DNAH2: variants seen among roughly 807,000 people sequenced by gnomAD.
DNAH2 encodes the protein dynein axonemal heavy chain 2, also known as axonemal beta dynein heavy chain 2.
Under a neutral mutation model 523.5 loss-of-function variants are expected in DNAH2, and 323 were observed. The ratio of observed to expected loss-of-function variants is 0.62; its 90% CI spans 0.56 to 0.68. The LOEUF is 0.68. Among genes scored for constraint, DNAH2 ranks in the 30% least tolerant of loss-of-function variants. DNAH2 has a pLI of 0.00. For synonymous variants in DNAH2, 2,093 were observed against 2,177.4 expected (o/e 0.96, Z 1.08); for missense variants, 4,907 against 5,701.5 (o/e 0.86, Z 4.49).
In DNAH2 at chr17:7,778,455, T is replaced by G. The variant is rs766288689; in HGVS notation, c.5527T>G (p.Ser1843Ala). ...LDYKSMGRMY[S>A]GLAQTGAWGC... ...CTACAAGTCCATGGGCCGAATGTAC[T>G]CAGGTCTGGCCCAGGTCAGTATCCT... Residue 1843 changes from serine to alanine, a missense_variant, in exon 35 of 86, where the codon TCA becomes GCA. Ser to Ala is a moderately conservative substitution (Grantham distance 99). Around this residue, in one of 3 missense-constraint regions of DNAH2, gnomAD observed 2,806 missense variants for 3,190.8 expected, o/e 0.88. Transcript: ENST00000572933. 3 of 1,613,848 alleles carry G rather than the reference T, an allele frequency of 1.9e-6. No individual in the cohort carries two copies. The African/African-American group carries it at 4.0e-5, about 22-fold the overall frequency.
At chr17:7,766,173 T>C (rs2076160829) in intron 21 of DNAH2, 145 bp from the exon 22 acceptor site, 2 of 798,232 alleles carry the variant, frequency 2.5e-6, no homozygotes, top group African/African-American at 3.5e-5. Flanking sequence ...CCGTTATTCT[T>C]TCAACGCGTT....
intron 73 of DNAH2, among the ~76,000 whole-genome samples, chr17:7,823,149 C>T (rs1400386540): frequency 6.6e-6 from 1 of 151,898 alleles, no homozygotes; most frequent in Non-Finnish European, 1.5e-5. Context: ...CAATAATTAG[C>T]CAGGTGTGGT....
At position 7,786,890 on chromosome 17, in the gene DNAH2, T is replaced by G; in HGVS notation, c.6467-7T>G. 1 of 1,614,240 alleles carries G rather than the reference T, an allele frequency of 6.2e-7. No individual in the cohort carries two copies. Among genetic ancestry groups the G allele is most frequent in the South Asian group, 1.1e-5 (1 of 91,088 alleles). The stretch of plus-strand genomic sequence containing the variant: ...CCCGGTTTCCTCATCACCCACCATC[T>G]ACTCAGATGAGAAACCCGACGAGAA... On this transcript the variant is annotated splice_region_variant and splice_polypyrimidine_tract_variant and intron_variant, in intron 41 of 85. Coordinates refer to ENST00000572933, the MANE Select transcript of DNAH2 (RefSeq NM_020877.5). This position sits in a 1 kb window ranked among gnomAD's most constrained non-coding sequence, Gnocchi z 7.5.
rs1405859809 is a variant in DNAH2, at chr17:7,832,613, C to T, written c.12761C>T (p.Thr4254Ile). Residue 4254 changes from threonine to isoleucine, a missense_variant, in exon 83 of 86, where the codon ACC becomes ATC. Thr to Ile is a moderately conservative substitution (Grantham distance 89). Coordinates refer to ENST00000572933, the MANE Select transcript of DNAH2 (RefSeq NM_020877.5). The surrounding 1 kb of genome is among the most constrained non-coding windows in gnomAD (Gnocchi z 4.3). Reference protein sequence around the residue: ...YPSQKPLAAWTRDLAMRVEQF... With the variant: ...YPSQKPLAAWIRDLAMRVEQF... ...TCACAAAAGCCATTGGCTGCCTGGA[C>T]CCGGGACTTGGCCATGCGTGTGGAG... The T allele has an allele frequency of 1.2e-6, 2 of 1,614,180 alleles. No individual in the cohort carries two copies. Among genetic ancestry groups the T allele is most frequent in the Non-Finnish European group, 8.5e-7 (1 of 1,180,038 alleles).
In DNAH2 at chr17:7,831,512, G is replaced by T. The variant is rs754574243; in HGVS notation, c.12582G>T (p.Gln4194His). The T allele has an allele frequency of 1.9e-6, 3 of 1,614,228 alleles. No homozygotes were observed. Among genetic ancestry groups the T allele is most frequent in the Non-Finnish European group, 2.5e-6 (3 of 1,180,050 alleles). The change falls in exon 81 of 86, where the codon CAG becomes CAT. Residue 4194 changes from glutamine to histidine, a missense_variant. By Grantham distance (24) the Gln-to-His change is conservative. Around this residue, in one of 3 missense-constraint regions of DNAH2, gnomAD observed 1,851 missense variants for 2,139.4 expected, o/e 0.87. Transcript: ENST00000572933. This position sits in a 1 kb window ranked among gnomAD's most constrained non-coding sequence, Gnocchi z 4.2. Reference protein sequence around the residue: ...PLNVVLLQEIQRYNTLMQTIL... With the variant: ...PLNVVLLQEIHRYNTLMQTIL... ...ATGTGGTCCTTCTGCAGGAGATCCAGAGATACAACACACTGATGCAGACCA... is the reference window on the plus strand; with the variant it reads ...ATGTGGTCCTTCTGCAGGAGATCCATAGATACAACACACTGATGCAGACCA...
At chr17:7,723,355 C>G (rs2074691647) in intron 2 of DNAH2, among the ~76,000 whole-genome samples, 1 of 145,134 alleles carries the variant, frequency 6.9e-6, no homozygotes, top group Admixed American at 7.3e-5. Context: ...TCACTGCAAC[C>G]TCTGCCTCCT....
chr17:7,761,212 G>A (rs561285998), intron 18 of DNAH2, among the ~76,000 whole-genome samples: 1 of 152,308 alleles, frequency 6.6e-6, no homozygotes, highest in East Asian at 1.9e-4. Context: ...GATGAAAGAA[G>A]TGAGCCCTTT....
In DNAH2 at chr17:7,759,036, C is replaced by G. The variant is rs755007230; in HGVS notation, c.2360C>G (p.Ala787Gly). The part of the protein sequence containing the change: ...FEEDQREHRA[A>G]VQQKLMNLHQ... ...GAGGACCAAAGAGAGCATCGGGCAG[C>G]TGTACAGCAGAAATTGATGAACCTG... Residue 787 changes from alanine to glycine, a missense_variant, in exon 15 of 86, where the codon GCT (alanine) becomes GGT (glycine). Ala to Gly is a moderately conservative substitution (Grantham distance 60). Around this residue, in one of 3 missense-constraint regions of DNAH2, gnomAD observed 2,806 missense variants for 3,190.8 expected, o/e 0.88. Transcript: ENST00000572933. 1.2e-6 allele frequency: 2 copies of G among 1,614,196 alleles called. No homozygotes were observed. Among genetic ancestry groups the G allele is most frequent in the Non-Finnish European group, 8.5e-7 (1 of 1,180,048 alleles).
intron 12 of DNAH2, among the ~76,000 whole-genome samples, chr17:7,749,306 CCCAAAAA>C (rs2075606836): frequency 4.9e-3 from 17 of 3,494 alleles, no homozygotes; most frequent in South Asian, 0.013. Flanking sequence ...TAAACTCCCC[CCCAAAAA>C]AAAAAAAAAA....
At chr17:7,804,524 C>A in intron 59 of DNAH2, 58 bp downstream of exon 59, 1 of 1,574,042 alleles carries the variant, frequency 6.4e-7, no homozygotes, top group Non-Finnish European at 8.7e-7. Context: ...GCTACTGCGT[C>A]AGGGAACCCA....
In DNAH2 at chr17:7,733,315, G is replaced by A; in HGVS notation, c.628G>A (p.Asp210Asn). Reference sequence around the variant, plus strand: ...GCACAAGTTCTTGGCCTGCCTGACAGGTAAGTGGGAAGACCGGAGTGACTA... The same window carrying A: ...GCACAAGTTCTTGGCCTGCCTGACAAGTAAGTGGGAAGACCGGAGTGACTA... ...HLHKFLACLT[D>N]TRYKLEGHTV... The change falls in exon 5 of 86, where the codon GAC becomes AAC. Residue 210 changes from aspartate (D) to asparagine (N), a missense_variant and splice_region_variant. Physicochemically the swap from Asp to Asn is conservative, Grantham distance 23. Around this residue, in one of 3 missense-constraint regions of DNAH2, gnomAD observed 2,806 missense variants for 3,190.8 expected, o/e 0.88. Coordinates refer to ENST00000572933, the MANE Select transcript of DNAH2 (RefSeq NM_020877.5). 6.2e-7 allele frequency: 1 copy of A among 1,613,836 alleles called. No homozygotes were observed. The highest frequency in any genetic ancestry group is 8.5e-7 in the Non-Finnish European group (1 of 1,179,984).
In DNAH2 at chr17:7,786,320, A is replaced by G; in HGVS notation, c.6326A>G (p.Asp2109Gly). 1 of 1,612,958 alleles carries G rather than the reference A, an allele frequency of 6.2e-7. No homozygotes were observed. The highest frequency in any genetic ancestry group is 8.5e-7 in the Non-Finnish European group (1 of 1,179,958). ...ASLSSLCRAG[D>G]PNFNIVREFP... ...CTGTCCTCTCTGTGCCGCGCCGGAG[A>G]CCCTAACTTCAACATTGTTAGAGTA... The change falls in exon 40 of 86, where the codon GAC becomes GGC. Residue 2109 changes from aspartate (D) to glycine (G), a missense_variant. Physicochemically the swap from Asp to Gly is moderately conservative, Grantham distance 94. Transcript: ENST00000572933. The surrounding 1 kb of genome is among the most constrained non-coding windows in gnomAD (Gnocchi z 7.5).
At chr17:7,822,455 G>A (rs894094475) in intron 73 of DNAH2, among the ~76,000 whole-genome samples, 13 of 152,046 alleles carry the variant, frequency 8.6e-5, no homozygotes, top group African/African-American at 2.2e-4. Context: ...ACTCCCCGGC[G>A]TGTGCACCTG....
chr17:7,799,028 C>T, intron 55 of DNAH2, 75 bp from the exon 56 acceptor site: 1 of 1,567,226 alleles, frequency 6.4e-7, no homozygotes, highest in Non-Finnish European at 8.7e-7. Context: ...CTTCGTCAGC[C>T]CCACCTGACC....
chr17:7,763,412 C>T (rs189190646), intron 18 of DNAH2, among the ~76,000 whole-genome samples: 90 of 152,300 alleles, frequency 5.9e-4, no homozygotes, highest in Non-Finnish European at 8.4e-4. Context: ...TCCCAAAGTG[C>T]TAGGATTACA....
At chr17:7,779,205 A>G in intron 35 of DNAH2, 38 bp from the exon 36 acceptor site, 1 of 1,602,502 alleles carries the variant, frequency 6.2e-7, no homozygotes, top group Admixed American at 1.7e-5. Context: ...CTCTTGGGGC[A>G]CCTCTCGCTC....
chr17:7,730,196 C>A, intron 4 of DNAH2, among the ~76,000 whole-genome samples: 1 of 149,610 alleles, frequency 6.7e-6, no homozygotes, highest in South Asian at 2.1e-4. Flanking sequence ...AGGGAGACTG[C>A]AGATTTTAGG....
In DNAH2 at chr17:7,771,443, T is replaced by G. The variant is rs752874496; in HGVS notation, c.4476T>G (p.Asn1492Lys). The stretch of plus-strand genomic sequence containing the variant: ...TGGACAGGATGAACAAGGACAACAA[T>G]GCTCTCCGGAGCACCCATCACCCAG... Reference protein sequence around the residue: ...AIMDRMNKDNNALRSTHHPGL... With the variant: ...AIMDRMNKDNKALRSTHHPGL... Residue 1492 changes from asparagine (N) to lysine (K), a missense_variant, in exon 28 of 86, where the codon AAT becomes AAG. This residue lies in a region of DNAH2 where 2,806 missense variants were observed against 3,190.8 expected (regional missense o/e 0.88). Transcript: ENST00000572933. The G allele has an allele frequency of 4.8e-5, 77 of 1,613,812 alleles. No homozygotes were observed. Among genetic ancestry groups the G allele is most frequent in the Non-Finnish European group, 6.1e-5 (72 of 1,179,886 alleles).
chr17:7,736,982 AAAAT>A (rs75880616), intron 7 of DNAH2, 81 bp from the exon 8 acceptor site: 48 of 1,242,968 alleles, frequency 3.9e-5, no homozygotes, highest in South Asian at 4.4e-5. Context: ...AACTCCATCT[AAAAT>A]AAATAAATAA....
Sources: gnomAD v4.1 joint callset for allele counts (sites outside exome capture counted in the v4.1 genomes callset) on GRCh38, gnomAD v4.1.1 for gene constraint, gnomAD v4.1.1 regional missense constraint, Gnocchi (gnomAD v3.1) non-coding constraint, MANE v1.5 for transcripts, NCBI Gene and HGNC (gene_info 2026-07-23, HGNC 2026-07-21) for gene names.